ROCK2: variants seen among roughly 807,000 people sequenced by gnomAD.
The protein encoded by ROCK2 is rho-associated protein kinase 2.
Under a neutral mutation model 195.1 loss-of-function variants are expected in ROCK2, and 61 were observed. The observed-to-expected ratio is 0.31, with a 90% CI of 0.25 to 0.39. The LOEUF is 0.39. ROCK2 is among the 10% of genes least tolerant of loss of function. The probability of loss-of-function intolerance (pLI) is 1.00; values close to 1 mark genes in which losing one functional copy is unlikely to be tolerated. For synonymous variants in ROCK2, 504 were observed against 545.5 expected, an observed-to-expected ratio of 0.92 and a Z score of 1.06; for missense variants, 1,109 against 1,637.4, an observed-to-expected ratio of 0.68 and a Z score of 5.57.
intron 20 of ROCK2, among the ~76,000 whole-genome samples, chr2:11,202,645 C>G (rs373588529): frequency 0.015 from 2,228 of 151,978 alleles, 24 homozygotes; most frequent in South Asian, 0.042. Context: ...CTACAGGCGC[C>G]TGCCACCACA....
Position 11,207,907 on chromosome 2 carries a change from T to C in ROCK2, c.2368A>G (p.Arg790Gly), listed in dbSNP as rs1350122458. 3 of 1,560,648 alleles carry C rather than the reference T, an allele frequency of 1.9e-6. No homozygotes were observed. The highest frequency in any genetic ancestry group is 2.5e-5 in the South Asian group (2 of 80,386). Reference protein sequence around the residue: ...KQKDVLNEDVRNLTLKIEQET... With the variant: ...KQKDVLNEDVGNLTLKIEQET... ...TGCTCTATTTTTAATGTCAGGTTTC[T>C]AACCTAAGAAATAAATTGTGTACTT... The change falls in exon 20 of 33, where the codon AGA becomes GGA. Residue 790 changes from arginine (R) to glycine (G), a missense_variant. Arg to Gly is a moderately radical substitution (Grantham distance 125). Around this residue, in one of 6 missense-constraint regions of ROCK2, gnomAD observed 542 missense variants for 672.0 expected, o/e 0.81. Coordinates refer to ENST00000315872, the MANE Select transcript of ROCK2 (RefSeq NM_004850.5).
At chr2:11,320,891 C>G (rs368979835) in intron 1 of ROCK2, among the ~76,000 whole-genome samples, 42 of 152,288 alleles carry the variant, frequency 2.8e-4, no homozygotes, top group African/African-American at 9.6e-4. Context: ...GTTAACAGAA[C>G]AGAGTACCAG....
At chr2:11,249,844 GAGAA>G in intron 3 of ROCK2, 46 bp from the exon 4 acceptor site, 1 of 1,385,290 alleles carries the variant, frequency 7.2e-7, no homozygotes. Context: ...CATGTTATGA[GAGAA>G]AGGTAAATAG....
At chr2:11,319,150 G>A (rs1441950917) in intron 1 of ROCK2, among the ~76,000 whole-genome samples, 1 of 152,174 alleles carries the variant, frequency 6.6e-6, no homozygotes, top group Admixed American at 6.5e-5. Context: ...GAAAGTCAGT[G>A]GTAGCTTGAT....
intron 1 of ROCK2, among the ~76,000 whole-genome samples, chr2:11,306,403 T>C (rs76966349): frequency 2.0e-5 from 3 of 152,198 alleles, no homozygotes; most frequent in Non-Finnish European, 4.4e-5. Context: ...GCATTATCTT[T>C]GTTTTACCTT....
At chr2:11,335,102 G>GATACACAC in intron 1 of ROCK2, among the ~76,000 whole-genome samples, 10 of 125,808 alleles carry the variant, frequency 7.9e-5, no homozygotes, top group African/African-American at 3.1e-4. Flanking sequence ...AGTTCCCTTT[G>GATACACAC]ACTGATACAC....
At chr2:11,190,077 A>C (rs1233784666) in intron 32 of ROCK2, among the ~76,000 whole-genome samples, 1 of 152,174 alleles carries the variant, frequency 6.6e-6, no homozygotes, top group Non-Finnish European at 1.5e-5. Context: ...TACATGAAAC[A>C]ATGGAGACTC....
intron 3 of ROCK2, among the ~76,000 whole-genome samples, chr2:11,285,526 C>G (rs1667158624): frequency 6.6e-6 from 1 of 151,996 alleles, no homozygotes. Flanking sequence ...ATCTACAAGT[C>G]CAATAAACCT....
chr2:11,270,819 T>C lies in ROCK2; in HGVS notation c.324+15720A>G, dbSNP rs1174001360. On this transcript the variant is annotated intron_variant, in intron 3 of 32. Transcript: ENST00000315872. ...AATTGCTGGTTTGATAATTTTAGTG[T>C]TCCTACCATGTTTGCTTCTAATGCT... Among the ~76,000 whole-genome samples, 4 of 151,510 alleles carry C rather than the reference T, an allele frequency of 2.6e-5. No individual in the cohort carries two copies. In the East Asian group the frequency reaches 7.7e-4, roughly 29 times the overall value.
chr2:11,249,782 G>A lies in ROCK2; in HGVS notation c.341C>T (p.Ser114Leu). The A allele has an allele frequency of 3.3e-6, 5 of 1,532,138 alleles. No individual in the cohort carries two copies. The highest frequency in any genetic ancestry group is 2.2e-5 in the Admixed American group (1 of 45,096). The allele number at this position is 1,532,138 out of a possible 1,614,324, so 94.9% of individuals were successfully genotyped here. A position where few individuals can be genotyped will look rare whatever the true frequency, so the allele number is the denominator to read the frequency against. The part of the protein sequence containing the change: ...GEVQLVRHKA[S>L]QKVYAMKLLS... ...AAGCTTCATAGCATAAACCTTCTGCGATGCCTTGTGACGAACCTGTTGATT... is the reference window on the plus strand; with the variant it reads ...AAGCTTCATAGCATAAACCTTCTGCAATGCCTTGTGACGAACCTGTTGATT... Residue 114 changes from serine (S) to leucine (L), a missense_variant, in exon 4 of 33, where the codon TCG becomes TTG. Coordinates refer to ENST00000315872, the MANE Select transcript of ROCK2 (RefSeq NM_004850.5).
Position 11,222,478 on chromosome 2 carries a change from A to G in ROCK2, c.1008-304T>C, listed in dbSNP as rs766765121. The stretch of plus-strand genomic sequence containing the variant: ...GTAAAAAAATTCACCTGCATGTGCC[A>G]CGACTGAATGACAATAACTTCAGGA... On this transcript the variant is annotated intron_variant, in intron 7 of 32. Transcript: ENST00000315872. Among the ~76,000 whole-genome samples, 15 of 152,190 alleles carry G rather than the reference A, an allele frequency of 9.9e-5. No homozygotes were observed. The South Asian group carries it at 1.2e-3, about 13-fold the overall frequency.
At chr2:11,262,563 T>C (rs138934336) in intron 3 of ROCK2, among the ~76,000 whole-genome samples, 1,905 of 152,172 alleles carry the variant, frequency 0.013, 11 homozygotes, top group Non-Finnish European at 0.02. Context: ...AAGTAGTAAG[T>C]CTCATGAGAT....
intron 1 of ROCK2, among the ~76,000 whole-genome samples, chr2:11,341,161 T>C (rs1184530186): frequency 1.3e-5 from 2 of 151,940 alleles, no homozygotes; most frequent in East Asian, 1.9e-4. Flanking sequence ...AAAAGAGATA[T>C]ACTCTTCTCA....
At position 11,215,402 on chromosome 2, in the gene ROCK2, T is replaced by C; in HGVS notation, c.1608A>G (p.Leu536=). 1.9e-6 allele frequency: 3 copies of C among 1,607,378 alleles called. No individual in the cohort carries two copies. Among genetic ancestry groups the C allele is most frequent in the Non-Finnish European group, 1.7e-6 (2 of 1,177,296 alleles). Residue 536 remains leucine (L), a synonymous_variant, in exon 15 of 33, where the codon TTA becomes TTG. Transcript: ENST00000315872. Reference sequence around the variant, plus strand: ...TTTTCAAATCTTCAAGTTGATCTTTTAAGCTGTTAACTATGATAAAAAGCA... The same window carrying C: ...TTTTCAAATCTTCAAGTTGATCTTTCAAGCTGTTAACTATGATAAAAAGCA... ...KRNLENDVNS[L]KDQLEDLKKR...
At chr2:11,324,206 G>A (rs910774932) in intron 1 of ROCK2, among the ~76,000 whole-genome samples, 1 of 152,186 alleles carries the variant, frequency 6.6e-6, no homozygotes, top group Non-Finnish European at 1.5e-5. Flanking sequence ...GGACGCCAAG[G>A]CTGGAGGATC....
At chr2:11,207,315 G>A (rs1193141669) in intron 20 of ROCK2, among the ~76,000 whole-genome samples, 2 of 152,146 alleles carry the variant, frequency 1.3e-5, no homozygotes, top group Non-Finnish European at 2.9e-5. Flanking sequence ...GTAGACACTA[G>A]AGTACATCCT....
chr2:11,303,696 C>A (rs1319283708), intron 1 of ROCK2, among the ~76,000 whole-genome samples: 1 of 152,112 alleles, frequency 6.6e-6, no homozygotes, highest in East Asian at 1.9e-4. Context: ...GGAAGAAATA[C>A]CTATTCTAGC....
At chr2:11,345,024 GGCCGCGCCCCCC>G (rs1367231012), upstream of ROCK2, among the ~76,000 whole-genome samples, 2 of 150,456 alleles carry the variant, frequency 1.3e-5, no homozygotes, top group African/African-American at 2.4e-5. Context: ...GGGGGAGCCC[GGCCGCGCCCCCC>G]GCCGCGGCCC....
At chr2:11,231,879 TCAG>T (rs1299170288) in intron 5 of ROCK2, among the ~76,000 whole-genome samples, 1 of 152,186 alleles carries the variant, frequency 6.6e-6, no homozygotes, top group Admixed American at 6.5e-5. Flanking sequence ...TTATAGGAAG[TCAG>T]GATGGCTGAA....
Sources: gnomAD v4.1 joint callset for allele counts (sites outside exome capture counted in the v4.1 genomes callset) on GRCh38, gnomAD v4.1.1 for gene constraint, gnomAD v4.1.1 regional missense constraint, MANE v1.5 for transcripts, NCBI Gene and HGNC (gene_info 2026-07-23, HGNC 2026-07-21) for gene names.